NEBL: variants seen among roughly 807,000 people sequenced by gnomAD.
NEBL encodes the protein LIM and SH3 protein 2.
Under a neutral mutation model 140.2 loss-of-function variants are expected in NEBL, and 122 were observed. The ratio of observed to expected loss-of-function variants is 0.87; its 90% confidence interval spans 0.75 to 1.01. The LOEUF (loss-of-function observed/expected upper bound fraction) is 1.01, where lower values mean the gene tolerates loss of function less well. Among genes scored for constraint, NEBL ranks in the 50% least tolerant of loss-of-function variants. NEBL has a pLI of 0.00. For synonymous variants in NEBL, 436 were observed against 398.9 expected (o/e 1.09, Z -1.11); for missense variants, 1,365 against 1,231.3 (o/e 1.11, Z -1.62).
intron 2 of NEBL, among the ~76,000 whole-genome samples, chr10:21,037,801 A>C (rs1363575000): frequency 6.9e-6 from 1 of 145,224 alleles, no homozygotes; most frequent in African/African-American, 2.5e-5. Context: ...GTCAAAAAAC[A>C]CTCCCCTAAT....
chr10:21,153,983 C>T (rs1397326722), intron 2 of NEBL, among the ~76,000 whole-genome samples: 1 of 152,072 alleles, frequency 6.6e-6, no homozygotes, highest in Non-Finnish European at 1.5e-5. Flanking sequence ...TGAACACAGA[C>T]ATGATATACA....
chr10:21,082,535 T>TAAAAAAAAAAAAAA lies in NEBL; in HGVS notation c.165-62348_165-62335dup, dbSNP rs61234594. On this transcript the variant is annotated intron_variant, in intron 2 of 6. Transcript: ENST00000417816. ...AGTTTGAAGTGTTCCCCACCACCAC[T>TAAAAAAAAAAAAAA]AAAAAAAAAAAAAAAAAAAAAAAAA... Among the ~76,000 whole-genome samples, 203 of 117,264 alleles carry TAAAAAAAAAAAAAA rather than the reference T, an allele frequency of 1.7e-3. 4 individuals carry two copies. Among genetic ancestry groups the TAAAAAAAAAAAAAA allele is most frequent in the Non-Finnish European group, 2.5e-3 (152 of 60,520 alleles). 76.9% of individuals were successfully genotyped at this position (117,264 alleles called of 152,430 possible). A position where few individuals can be genotyped will look rare whatever the true frequency, so the allele number is the denominator to read the frequency against.
chr10:21,112,489 A>G (rs1184868947), intron 2 of NEBL, among the ~76,000 whole-genome samples: 1 of 151,638 alleles, frequency 6.6e-6, no homozygotes, highest in Non-Finnish European at 1.5e-5. Flanking sequence ...TATCACAAGG[A>G]CAGAATACCA....
At chr10:20,915,483 C>T (rs2131479186) in intron 4 of NEBL, among the ~76,000 whole-genome samples, 1 of 150,736 alleles carries the variant, frequency 6.6e-6, no homozygotes, top group Non-Finnish European at 1.5e-5. Flanking sequence ...TCAATTCCCA[C>T]CTATGAGTGA....
chr10:21,024,298 T>C (rs1838933118), intron 2 of NEBL, among the ~76,000 whole-genome samples: 1 of 152,084 alleles, frequency 6.6e-6, no homozygotes, highest in Admixed American at 6.5e-5. Flanking sequence ...TCTCTAAAGA[T>C]GCATAACAGG....
intron 3 of NEBL, among the ~76,000 whole-genome samples, chr10:21,244,991 T>TAA (rs35172520): frequency 1.4e-4 from 16 of 118,328 alleles, no homozygotes; most frequent in Non-Finnish European, 1.1e-4. Context: ...ATGCTGTCTC[T>TAA]AAAAAAAAAA....
intron 2 of NEBL, among the ~76,000 whole-genome samples, chr10:21,118,683 C>T (rs1292928031): frequency 6.6e-6 from 1 of 151,996 alleles, no homozygotes; most frequent in Non-Finnish European, 1.5e-5. Context: ...ATGCCATGGG[C>T]AGAACTATAT....
At chr10:21,128,596 A>C (rs933270996) in intron 2 of NEBL, among the ~76,000 whole-genome samples, 1 of 152,186 alleles carries the variant, frequency 6.6e-6, no homozygotes, top group Non-Finnish European at 1.5e-5. Context: ...TTAATTATTA[A>C]AGATATAAAA....
rs200547382 is a variant in NEBL, at chr10:21,232,128, GTTTT to G, written n.348+15789_348+15792del. On this transcript the variant is annotated intron_variant and non_coding_transcript_variant, in intron 3 of 8. Coordinates refer to the NEBL transcript ENST00000675702. ...ATGTTCCAACTGCCACAGGGTTGTT[GTTTT>G]TTTTTCTCTCTCTCTCTCTTCTTTT... Among the ~76,000 whole-genome samples, 6 of 151,200 alleles carry G rather than the reference GTTTT, an allele frequency of 4.0e-5. No individual in the cohort carries two copies. In the South Asian group the frequency reaches 1.3e-3, roughly 32 times the overall value.
At chr10:20,950,199 T>G (rs1021054045) in intron 4 of NEBL, among the ~76,000 whole-genome samples, 5 of 152,234 alleles carry the variant, frequency 3.3e-5, no homozygotes, top group African/African-American at 1.2e-4. Flanking sequence ...TATTCCTCAT[T>G]AATCCCACCT....
intron 19 of NEBL, among the ~76,000 whole-genome samples, chr10:20,820,598 G>C (rs374705635): frequency 1.5e-3 from 236 of 152,320 alleles, no homozygotes; most frequent in African/African-American, 5.5e-3. Flanking sequence ...GGCCGAGGCA[G>C]GTGGATCAAC....
chr10:21,283,673 A>G (rs142456559), intron 1 of NEBL, among the ~76,000 whole-genome samples: 1 of 152,284 alleles, frequency 6.6e-6, no homozygotes, highest in African/African-American at 2.4e-5. Context: ...AATCAAACCT[A>G]TTAATATTTC....
At chr10:20,891,423 G>A (rs1444655557) in intron 2 of NEBL, among the ~76,000 whole-genome samples, 1 of 152,154 alleles carries the variant, frequency 6.6e-6, no homozygotes, top group African/African-American at 2.4e-5. Context: ...GGAGAAAAAA[G>A]TATCTCCGTT....
At chr10:21,252,655 A>G (rs1486702220) in intron 1 of NEBL, among the ~76,000 whole-genome samples, 5 of 152,168 alleles carry the variant, frequency 3.3e-5, no homozygotes, top group African/African-American at 2.4e-5. Flanking sequence ...TATCTTGCCT[A>G]TAAAAATGAG....
In NEBL at chr10:20,961,903, G is replaced by A. The variant is rs1039404160; in HGVS notation, c.250-124C>T. On this transcript the variant is annotated intron_variant, in intron 3 of 6. Coordinates refer to the NEBL transcript ENST00000417816. Reference sequence around the variant, plus strand: ...AAAAACACAGATCTCAGCCGGAGGTGCAGTTAAGAACCAGAAGGAAACAGC... The same window carrying A: ...AAAAACACAGATCTCAGCCGGAGGTACAGTTAAGAACCAGAAGGAAACAGC... 5.1e-5 allele frequency: 37 copies of A among 724,344 alleles called. No individual in the cohort carries two copies. The East Asian group carries it at 8.3e-4, about 16-fold the overall frequency. The allele number at this position is 724,344 out of a possible 1,614,324, so 44.9% of individuals were successfully genotyped here. A position where few individuals can be genotyped will look rare whatever the true frequency, so the allele number is the denominator to read the frequency against.
At chr10:20,931,892 T>C (rs539932217) in intron 4 of NEBL, among the ~76,000 whole-genome samples, 2 of 152,326 alleles carry the variant, frequency 1.3e-5, no homozygotes, top group East Asian at 1.9e-4. Context: ...AAAGAAATAA[T>C]AAAGAAATCA....
At chr10:21,184,816 T>C (rs190400426) in intron 3 of NEBL, among the ~76,000 whole-genome samples, 1 of 152,390 alleles carries the variant, frequency 6.6e-6, no homozygotes, top group African/African-American at 2.4e-5. Flanking sequence ...CGTGATGATA[T>C]CATTTTTTGT....
At chr10:20,833,666 T>C (rs1226666342) in intron 14 of NEBL, among the ~76,000 whole-genome samples, 3 of 151,364 alleles carry the variant, frequency 2.0e-5, no homozygotes, top group African/African-American at 7.3e-5. Context: ...GGGTTAAGAA[T>C]GTCTACTAGG....
chr10:21,240,437 G>T (rs1842424239), intron 3 of NEBL, among the ~76,000 whole-genome samples: 1 of 152,128 alleles, frequency 6.6e-6, no homozygotes, highest in Non-Finnish European at 1.5e-5. Flanking sequence ...GAGGTCAAGA[G>T]TTCGAGACCA....
Sources: allele counts gnomAD v4.1 joint callset (sites outside exome capture counted in the v4.1 genomes callset), GRCh38; gene constraint gnomAD v4.1.1; transcripts MANE v1.5; gene names NCBI Gene and HGNC (gene_info 2026-07-23, HGNC 2026-07-21).